KRT86: variants seen among roughly 807,000 people sequenced by gnomAD.
KRT86 encodes keratin 86, also known as keratin, type II cuticular Hb6.
Under a neutral mutation model 41.2 loss-of-function variants are expected in KRT86, and 30 were observed. The observed-to-expected ratio is 0.73, with a 90% CI of 0.54 to 0.99. The LOEUF (loss-of-function observed/expected upper bound fraction) is 0.99. Among genes scored for constraint, KRT86 ranks in the 50% least tolerant of loss-of-function variants. The probability of loss-of-function intolerance (pLI) is 0.00; values close to 1 mark genes in which losing one functional copy is unlikely to be tolerated. For synonymous variants in KRT86, 238 were observed against 238.1 expected (o/e 1.00, Z 0.00); for missense variants, 561 against 571.4 (o/e 0.98, Z 0.19).
chr12:52,291,457 G>A lies in KRT86; in HGVS notation c.-4-10456G>A, dbSNP rs1191423555. The A allele has an allele frequency of 3.1e-6, 5 of 1,612,830 alleles. No homozygotes were observed. The African/African-American group carries it at 4.0e-5, about 13-fold the overall frequency. On this transcript the variant is annotated intron_variant, in intron 2 of 10. Transcript: ENST00000423955. ...AGGCGCGCCCACCAAATCCTGATCC[G>A]CAGGTCATGATCCTCCTGGACGTTT...
intron 2 of KRT86, chr12:52,287,437 C>A (rs1937983612): frequency 6.4e-7 from 1 of 1,567,804 alleles, no homozygotes; most frequent in African/African-American, 1.4e-5. Context: ...GAGCCTCTTG[C>A]CTTTATCACC....
At chr12:52,286,227 C>T (rs921550298) in intron 2 of KRT86, 3 of 1,542,728 alleles carry the variant, frequency 1.9e-6, no homozygotes, top group Non-Finnish European at 2.6e-6. Context: ...GGAAAGATGC[C>T]TGGGGCCTGG....
chr12:52,306,325 T>G (rs1243693718), intron 9 of KRT86, 45 bp downstream of exon 9: 1 of 1,612,428 alleles, frequency 6.2e-7, no homozygotes, highest in Non-Finnish European at 8.5e-7. Context: ...GCCAGGGTTC[T>G]CAGTGTGCTC....
intron 2 of KRT86, among the ~76,000 whole-genome samples, chr12:52,295,463 T>A (rs187884187): frequency 2.0e-3 from 311 of 152,286 alleles, no homozygotes; most frequent in Non-Finnish European, 3.3e-3. Flanking sequence ...CCATCGGCCA[T>A]CAGTAATAAG....
At chr12:52,286,299 A>G (rs1937927854) in intron 2 of KRT86, 2 of 1,554,574 alleles carry the variant, frequency 1.3e-6, no homozygotes, top group Non-Finnish European at 1.7e-6. Flanking sequence ...ACACCCAGGG[A>G]GCTGATACCA....
Position 52,306,285 on chromosome 12 carries a change from G to T in KRT86, c.1247+5G>T. The stretch of plus-strand genomic sequence containing the variant: ...GCTGGAGGGCGAGGAGCAGAGGTGG[G>T]TCCCATAGACCTTTCCCTTTCCCAG... On this transcript the variant is annotated splice_donor_5th_base_variant and intron_variant, in intron 9 of 10. Coordinates refer to ENST00000423955, the MANE Select transcript of KRT86 (RefSeq NM_001320198.2). 6.2e-7 allele frequency: 1 copy of T among 1,613,290 alleles called. No homozygotes were observed. The highest frequency in any genetic ancestry group is 1.1e-5 in the South Asian group (1 of 91,042).
At chr12:52,301,770 A>C (rs1938382879) in intron 2 of KRT86, 143 bp from the exon 3 acceptor site, 1 of 1,557,570 alleles carries the variant, frequency 6.4e-7, no homozygotes, top group Admixed American at 1.7e-5. Flanking sequence ...AAGCCTTCTA[A>C]TTGCTCCGAC....
intron 9 of KRT86, chr12:52,306,636 T>G: frequency 2.4e-6 from 1 of 413,458 alleles, no homozygotes; most frequent in Non-Finnish European, 4.5e-6. Context: ...CTCTTTTTCC[T>G]AGTCTGGCCC....
At chr12:52,301,887 C>T (rs1938387093) in intron 2 of KRT86, 26 bp from the exon 3 acceptor site, 22 of 1,613,696 alleles carry the variant, frequency 1.4e-5, no homozygotes, top group Non-Finnish European at 1.9e-5. Context: ...TCTCCATCCT[C>T]AGAACCTCCT....
chr12:52,302,310 C>T, intron 3 of KRT86, 25 bp downstream of exon 3: 1 of 565,054 alleles, frequency 1.8e-6, no homozygotes. Context: ...TCACACCCTT[C>T]CTGAACCCCC....
At chr12:52,294,614 T>C (rs1938206730) in intron 2 of KRT86, among the ~76,000 whole-genome samples, 1 of 152,150 alleles carries the variant, frequency 6.6e-6, no homozygotes, top group African/African-American at 2.4e-5. Context: ...TATTGTGAAA[T>C]ATTTCAACAC....
intron 2 of KRT86, among the ~76,000 whole-genome samples, chr12:52,283,319 T>G (rs2121211984): frequency 7.5e-6 from 1 of 133,814 alleles, no homozygotes; most frequent in South Asian, 2.3e-4. Context: ...CTTGAACTAG[T>G]GAGGTGGAGG....
At chr12:52,286,233 C>A (rs1439656354) in intron 2 of KRT86, 6 of 1,545,772 alleles carry the variant, frequency 3.9e-6, no homozygotes, top group Non-Finnish European at 5.3e-6. Context: ...ATGCCTGGGG[C>A]CTGGGACTTG....
intron 2 of KRT86, chr12:52,286,141 T>A: frequency 2.4e-6 from 2 of 840,356 alleles, no homozygotes; most frequent in African/African-American, 1.7e-5. Flanking sequence ...GTGGGAGGGG[T>A]CTTTCAAAGT....
At chr12:52,305,823 G>A (rs757169025) in intron 8 of KRT86, 35 bp downstream of exon 8, 82 of 1,613,806 alleles carry the variant, frequency 5.1e-5, no homozygotes, top group Non-Finnish European at 6.7e-5. Flanking sequence ...CAGAGAGACC[G>A]AGGGTCTAAC....
At chr12:52,287,124 G>A in intron 2 of KRT86, 1 of 1,613,212 alleles carries the variant, frequency 6.2e-7, no homozygotes, top group Non-Finnish European at 8.5e-7. Flanking sequence ...CCCTCCAGCA[G>A]GCGCCTGTAG....
chr12:52,302,741 T>C (rs2121300304), intron 3 of KRT86, among the ~76,000 whole-genome samples: 1 of 123,834 alleles, frequency 8.1e-6, no homozygotes, highest in South Asian at 3.0e-4. Context: ...ACCTCATCTG[T>C]GATCTGAACC....
intron 2 of KRT86, among the ~76,000 whole-genome samples, chr12:52,288,827 C>A (rs937368638): frequency 6.6e-6 from 1 of 152,098 alleles, no homozygotes; most frequent in African/African-American, 2.4e-5. Context: ...CTCCATCCCC[C>A]CTTAGACCCT....
At chr12:52,277,592 GGCTGGAGGCTGCCCTGCAGCGAGCTAA>G (rs1247317315) in intron 2 of KRT86, 3 of 152,572 alleles carry the variant, frequency 2.0e-5, no homozygotes, top group Non-Finnish European at 4.4e-5. Context: ...AAGCTGGCTT[GGCTGGAGGCTGCCCTGCAGCGAGCTAA>G]GCAGGATGTG....
Sources: allele counts gnomAD v4.1 joint callset (sites outside exome capture counted in the v4.1 genomes callset), GRCh38; gene constraint gnomAD v4.1.1; transcripts MANE v1.5; gene names NCBI Gene and HGNC (gene_info 2026-07-23, HGNC 2026-07-21).